CNTN4: variants seen among roughly 807,000 people sequenced by gnomAD.
CNTN4 encodes contactin 4.
CNTN4 carries 77 observed loss-of-function variants against 122.5 expected under a neutral mutation model. The ratio of observed to expected loss-of-function variants is 0.63; its 90% CI spans 0.52 to 0.76. The LOEUF is 0.76. Among genes scored for constraint, CNTN4 ranks in the 30% least tolerant of loss-of-function variants. The pLI is 0.00. For synonymous variants in CNTN4, 512 were observed against 447.0 expected, an observed-to-expected ratio of 1.15 and a Z score of -1.83; for missense variants, 1,256 against 1,259.1, an observed-to-expected ratio of 1.00 and a Z score of 0.04.
intron 4 of CNTN4, among the ~76,000 whole-genome samples, chr3:2,675,242 C>T (rs2150415310): frequency 6.6e-6 from 1 of 152,030 alleles, no homozygotes; most frequent in East Asian, 1.9e-4. Flanking sequence ...TATCTCCTTC[C>T]ATCTCCTCTC....
intron 3 of CNTN4, among the ~76,000 whole-genome samples, chr3:2,439,656 GTC>G (rs1306345582): frequency 1.3e-5 from 2 of 152,064 alleles, no homozygotes; most frequent in African/African-American, 2.4e-5. Context: ...TTGTGTGTGT[GTC>G]TGTATCTGAT....
At chr3:2,790,578 T>A (rs1516394) in intron 6 of CNTN4, among the ~76,000 whole-genome samples, 6 of 152,040 alleles carry the variant, frequency 3.9e-5, no homozygotes, top group Non-Finnish European at 8.8e-5. Flanking sequence ...GAGAACTTTC[T>A]GTTTAACATG....
At chr3:2,534,609 G>A (rs1250378718) in intron 3 of CNTN4, among the ~76,000 whole-genome samples, 25 of 151,786 alleles carry the variant, frequency 1.6e-4, no homozygotes, top group Admixed American at 1.5e-3. Context: ...ATTCCTTCTG[G>A]TCATTACGTG....
chr3:2,131,710 C>T (rs887717114), intron 2 of CNTN4, among the ~76,000 whole-genome samples: 2 of 152,084 alleles, frequency 1.3e-5, no homozygotes, highest in Non-Finnish European at 2.9e-5. Context: ...GGATGAAAAC[C>T]CCAGTTAGTT....
chr3:2,782,467 G>C (rs1245821125), intron 6 of CNTN4, among the ~76,000 whole-genome samples: 3 of 18,684 alleles, frequency 1.6e-4, no homozygotes, highest in African/African-American at 6.8e-4. Context: ...TTCTTATTCT[G>C]TGTGTGTGTG....
chr3:2,890,247 G>A (rs2151038205), intron 10 of CNTN4, among the ~76,000 whole-genome samples: 1 of 152,272 alleles, frequency 6.6e-6, no homozygotes, highest in East Asian at 1.9e-4. Context: ...TTATACATAA[G>A]CACTTGGCTG....
At chr3:3,051,682 A>G (rs6776572) in intron 23 of CNTN4, among the ~76,000 whole-genome samples, 73,066 of 152,032 alleles carry the variant, frequency 0.48, 18,419 homozygotes, top group East Asian at 0.77. Context: ...AGAAGGGGAC[A>G]CTTATGAATC....
rs2040756816 is a variant in CNTN4 at position 2,259,917 on chromosome 3, C to G, written c.-144-79261C>G. On this transcript the variant is annotated intron_variant, in intron 2 of 24. Transcript: ENST00000418658. ...GATAGTTCTCCCCATTCCCACTCTT[C>G]TTTGTTGTGTGTGTGTCCACTGTTG... 4.0e-5 allele frequency among the ~76,000 whole-genome samples: 6 copies of G among 151,112 alleles called. No homozygotes were observed. The South Asian group carries it at 1.2e-3, about 31-fold the overall frequency.
intron 3 of CNTN4, among the ~76,000 whole-genome samples, chr3:2,566,648 A>G (rs13314282): frequency 0.057 from 8,722 of 152,252 alleles, 844 homozygotes; most frequent in African/African-American, 0.2. Flanking sequence ...ATAAACGATG[A>G]TAGTTAATGC....
At chr3:2,994,279 G>C (rs1357073130) in intron 14 of CNTN4, among the ~76,000 whole-genome samples, 1 of 151,524 alleles carries the variant, frequency 6.6e-6, no homozygotes, top group African/African-American at 2.4e-5. Context: ...ATTCTGTCTG[G>C]ATTTTAAAAG....
intron 2 of CNTN4, among the ~76,000 whole-genome samples, chr3:2,102,512 T>G (rs1261727785): frequency 6.6e-6 from 1 of 152,134 alleles, no homozygotes; most frequent in African/African-American, 2.4e-5. Context: ...TGAAATATAT[T>G]TATTTCTCGG....
chr3:2,591,644 G>A lies in CNTN4; in HGVS notation c.55+20086G>A, dbSNP rs371084287. Reference sequence around the variant, plus strand: ...CTCCCAAAGTGCTGGGATTACAGGCGTGAGCCACCGCGCCCGGCCGATTTG... The same window carrying A: ...CTCCCAAAGTGCTGGGATTACAGGCATGAGCCACCGCGCCCGGCCGATTTG... On this transcript the variant is annotated intron_variant, in intron 4 of 24. Coordinates refer to ENST00000418658, the MANE Select transcript of CNTN4 (RefSeq NM_175607.3). Among the ~76,000 whole-genome samples the A allele has an allele frequency of 7.0e-4, 36 of 51,730 alleles. 12 individuals carry two copies. The South Asian group carries it at 0.026, about 37-fold the overall frequency. 33.9% of individuals were successfully genotyped at this position (51,730 alleles called of 152,430 possible). A position where few individuals can be genotyped will look rare whatever the true frequency, so the allele number is the denominator to read the frequency against.
intron 9 of CNTN4, among the ~76,000 whole-genome samples, chr3:2,884,493 T>A (rs946275075): frequency 1.3e-5 from 2 of 152,174 alleles, no homozygotes; most frequent in African/African-American, 4.8e-5. Context: ...GACATAATTA[T>A]AGGATTGAAC....
rs79053941 is a variant in CNTN4, at chr3:2,399,086, G to A, written c.-89+59853G>A. ...AACCCAGTCATTAAAACAAGAAAGAGCTATTGAACTGGGGAAAAAAAGAAA... is the reference window on the plus strand; with the variant it reads ...AACCCAGTCATTAAAACAAGAAAGAACTATTGAACTGGGGAAAAAAAGAAA... On this transcript the variant is annotated intron_variant, in intron 3 of 24. Coordinates refer to ENST00000418658, the MANE Select transcript of CNTN4 (RefSeq NM_175607.3). Among the ~76,000 whole-genome samples the A allele has an allele frequency of 5.5e-3, 840 of 151,974 alleles. 10 individuals are homozygous for A. The highest frequency in any genetic ancestry group is 0.019 in the African/African-American group (798 of 41,462).
chr3:2,509,031 T>G (rs1193443804), intron 3 of CNTN4, among the ~76,000 whole-genome samples: 1 of 152,244 alleles, frequency 6.6e-6, no homozygotes, highest in Non-Finnish European at 1.5e-5. Flanking sequence ...AAAGTGAATC[T>G]ATTACATATC....
rs565422692 is a variant in CNTN4, at chr3:2,696,516, G to C, written c.56-39699G>C. On this transcript the variant is annotated intron_variant, in intron 4 of 24. Coordinates refer to ENST00000418658, the MANE Select transcript of CNTN4 (RefSeq NM_175607.3). ...CCCCTTCAGACGACACAGCCTCAAG[G>C]CACCATCTTGGAAGCAGAGCAAGGC... is the stretch of plus-strand genomic sequence containing the variant. Among the ~76,000 whole-genome samples, 3 of 152,290 alleles carry C rather than the reference G, an allele frequency of 2.0e-5. No homozygotes were observed. The South Asian group carries it at 6.2e-4, about 32-fold the overall frequency.
In CNTN4 at chr3:2,290,393, G is replaced by T. The variant is rs117008833; in HGVS notation, c.-144-48785G>T. On this transcript the variant is annotated intron_variant, in intron 2 of 24. Coordinates refer to ENST00000418658, the MANE Select transcript of CNTN4 (RefSeq NM_175607.3). ...AATTGTGTTTTATGGAATTGACATT[G>T]GAACATTCATATCTTTACATTTATA... 4.6e-5 allele frequency among the ~76,000 whole-genome samples: 7 copies of T among 152,222 alleles called. No individual in the cohort carries two copies. The East Asian group carries it at 1.4e-3, about 29-fold the overall frequency.
chr3:2,203,744 C>T (rs749560743), intron 2 of CNTN4, among the ~76,000 whole-genome samples: 1 of 152,120 alleles, frequency 6.6e-6, no homozygotes, highest in Non-Finnish European at 1.5e-5. Context: ...GGTACATTGG[C>T]CTTCTGACCT....
chr3:2,471,735 C>G (rs2075691527), intron 3 of CNTN4, among the ~76,000 whole-genome samples: 1 of 152,166 alleles, frequency 6.6e-6, no homozygotes, highest in African/African-American at 2.4e-5. Flanking sequence ...AAGCTCTCCT[C>G]TAAATGTTCT....
Sources: allele counts gnomAD v4.1 joint callset (sites outside exome capture counted in the v4.1 genomes callset), GRCh38; gene constraint gnomAD v4.1.1; transcripts MANE v1.5; gene names NCBI Gene and HGNC (gene_info 2026-07-23, HGNC 2026-07-21).